GABRG2: variants seen among roughly 807,000 people sequenced by gnomAD.
The protein encoded by GABRG2 is gamma-aminobutyric acid receptor subunit gamma-2.
In GABRG2, 16 loss-of-function variants were observed where a neutral mutation model predicts 56.4. The observed-to-expected ratio is 0.28, with a 90% CI of 0.19 to 0.43. The LOEUF (loss-of-function observed/expected upper bound fraction) is 0.43, where lower values mean the gene tolerates loss of function less well. GABRG2 is among the 20% of genes least tolerant of loss of function. The pLI is 1.00. For missense variants in GABRG2, 327 were observed against 582.7 expected (o/e 0.56, Z 4.52); for synonymous variants, 208 against 205.5 (o/e 1.01, Z -0.10).
At chr5:162,094,164 A>C (rs1760827764) in intron 2 of GABRG2, 185 bp downstream of exon 2, 1 of 607,626 alleles carries the variant, frequency 1.6e-6, no homozygotes. Flanking sequence ...TACATTCAAA[A>C]TGAAGAAATA....
At chr5:162,105,814 T>TACACACACACACACACAC (rs67276484) in intron 6 of GABRG2, among the ~76,000 whole-genome samples, 26 of 147,584 alleles carry the variant, frequency 1.8e-4, no homozygotes, top group African/African-American at 6.2e-4. Context: ...AGAAAACACA[T>TACACACACACACACACAC]ACACACACAC....
chr5:162,083,160 T>G (rs1759796933), intron 1 of GABRG2, among the ~76,000 whole-genome samples: 1 of 151,772 alleles, frequency 6.6e-6, no homozygotes, highest in Non-Finnish European at 1.5e-5. Context: ...CTCCACCATT[T>G]CAAATATCTA....
Position 162,103,925 on chromosome 5 carries a change from A to G in GABRG2, c.668A>G (p.Lys223Arg), listed in dbSNP as rs1761617813. ...CGTGAAGAAATTGTTTATCAATGGA[A>G]GCGAAGTTCTGTTGAAGTGGGCGAC... The part of the protein sequence containing the change: ...YPREEIVYQW[K>R]RSSVEVGDTR... The change falls in exon 6 of 10, where the codon AAG (lysine) becomes AGG (arginine). Residue 223 changes from lysine (K) to arginine (R), a missense_variant. Physicochemically the swap from Lys to Arg is conservative, Grantham distance 26. Around this residue, in one of 4 missense-constraint regions of GABRG2, gnomAD observed 104 missense variants for 209.3 expected, o/e 0.50. Coordinates refer to ENST00000639213, the MANE Select transcript of GABRG2 (RefSeq NM_198904.4). 8 of 1,614,034 alleles carry G rather than the reference A, an allele frequency of 5.0e-6. No individual in the cohort carries two copies. The East Asian group carries it at 1.8e-4, about 36-fold the overall frequency.
chr5:162,068,629 A>G (rs1758419067), intron 1 of GABRG2, among the ~76,000 whole-genome samples: 2 of 152,086 alleles, frequency 1.3e-5, no homozygotes. Flanking sequence ...CAGGTTTTGC[A>G]TCCAGTCCCA....
intron 6 of GABRG2, among the ~76,000 whole-genome samples, chr5:162,125,672 G>T (rs1412156533): frequency 6.6e-6 from 1 of 151,600 alleles, no homozygotes; most frequent in African/African-American, 2.4e-5. Flanking sequence ...AGAAAATTTT[G>T]GTTTAATCAA....
chr5:162,100,562 T>C (rs1461319792), intron 4 of GABRG2: 3 of 152,284 alleles, frequency 2.0e-5, no homozygotes, highest in Non-Finnish European at 4.4e-5. Context: ...AAGAACTAAC[T>C]AATAAGGCAT....
intron 7 of GABRG2, among the ~76,000 whole-genome samples, chr5:162,146,573 G>C (rs1764963662): frequency 6.6e-6 from 1 of 151,362 alleles, no homozygotes; most frequent in Non-Finnish European, 1.5e-5. Context: ...GATCTTTCAT[G>C]TATATACTAT....
intron 6 of GABRG2, among the ~76,000 whole-genome samples, chr5:162,105,624 G>T (rs1262880837): frequency 1.3e-5 from 2 of 151,556 alleles, no homozygotes; most frequent in Non-Finnish European, 2.9e-5. Context: ...TAGAGACGTG[G>T]TTTCACCTTG....
chr5:162,139,335 A>T (rs1006390159), intron 6 of GABRG2, among the ~76,000 whole-genome samples: 7 of 152,122 alleles, frequency 4.6e-5, no homozygotes, highest in Non-Finnish European at 1.0e-4. Flanking sequence ...AGGGGATTTG[A>T]TTTTATAGGC....
intron 1 of GABRG2, among the ~76,000 whole-genome samples, chr5:162,084,050 T>C (rs1759864657): frequency 6.6e-6 from 1 of 151,882 alleles, no homozygotes; most frequent in Non-Finnish European, 1.5e-5. Context: ...TTTAATTACG[T>C]ATTTTGTCTC....
intron 6 of GABRG2, among the ~76,000 whole-genome samples, chr5:162,117,103 AT>A (rs1401904699): frequency 4.6e-5 from 7 of 152,198 alleles, no homozygotes; most frequent in African/African-American, 7.2e-5. Context: ...CTATAGCATG[AT>A]TTCTAATTTA....
intron 6 of GABRG2, among the ~76,000 whole-genome samples, chr5:162,131,554 G>T (rs1435073489): frequency 6.6e-6 from 1 of 151,260 alleles, no homozygotes; most frequent in East Asian, 1.9e-4. Context: ...CTCAAACTTT[G>T]GTAGGAATAT....
At chr5:162,124,015 T>C (rs753620817) in intron 6 of GABRG2, among the ~76,000 whole-genome samples, 4 of 151,854 alleles carry the variant, frequency 2.6e-5, no homozygotes, top group Non-Finnish European at 5.9e-5. Context: ...AGGTGAGGAA[T>C]AACTAGGGTT....
At chr5:162,085,532 C>CT (rs201713201) in intron 1 of GABRG2, among the ~76,000 whole-genome samples, 21 of 130,984 alleles carry the variant, frequency 1.6e-4, no homozygotes, top group East Asian at 2.4e-4. Flanking sequence ...TGCTTTGTTT[C>CT]TTTTTTTTTA....
chr5:162,102,773 C>T, intron 5 of GABRG2: 1 of 350,154 alleles, frequency 2.9e-6, no homozygotes, highest in South Asian at 2.2e-5. Context: ...CCTCAATTTT[C>T]ATCACATACT....
chr5:162,135,780 GT>G (rs1377311001), intron 6 of GABRG2, among the ~76,000 whole-genome samples: 1 of 152,160 alleles, frequency 6.6e-6, no homozygotes, highest in Admixed American at 6.6e-5. Context: ...AAAGAACCCT[GT>G]GGGAAGAGGA....
At chr5:162,089,486 A>G (rs985426937) in intron 1 of GABRG2, among the ~76,000 whole-genome samples, 1 of 152,136 alleles carries the variant, frequency 6.6e-6, no homozygotes, top group African/African-American at 2.4e-5. Context: ...CAAAGATATC[A>G]TTTTCCCGCA....
rs1761649655 is a variant in GABRG2 at position 162,104,357 on chromosome 5, C to T, written c.769+331C>T. On this transcript the variant is annotated intron_variant, in intron 6 of 9. Transcript: ENST00000639213. ...TATGTTTCATAATGTAGTGAAATCG[C>T]CACATTTCACACAGGAAGAGTGAAT... is the stretch of plus-strand genomic sequence containing the variant. 5.3e-5 allele frequency among the ~76,000 whole-genome samples: 8 copies of T among 152,140 alleles called. 1 individual carries two copies. The South Asian group carries it at 1.7e-3, about 32-fold the overall frequency.
intron 1 of GABRG2, among the ~76,000 whole-genome samples, chr5:162,092,096 G>A (rs1760646424): frequency 6.6e-6 from 1 of 152,052 alleles, no homozygotes. Context: ...AGTAAGATTT[G>A]GGTCAGAGGA....
Sources: gnomAD v4.1 joint callset for allele counts (sites outside exome capture counted in the v4.1 genomes callset) on GRCh38, gnomAD v4.1.1 for gene constraint, gnomAD v4.1.1 regional missense constraint, MANE v1.5 for transcripts, NCBI Gene and HGNC (gene_info 2026-07-23, HGNC 2026-07-21) for gene names.